The following DIAPH2 variants were observed in gnomAD, a reference collection of about 807,000 sequenced individuals.
The protein encoded by DIAPH2 is diaphanous related formin 2, also known as protein diaphanous homolog 2.
In DIAPH2, 35 loss-of-function variants were observed where a neutral mutation model predicts 92.7. That is an observed-to-expected ratio of 0.38 (90% CI 0.29 to 0.50). The LOEUF (loss-of-function observed/expected upper bound fraction) is 0.50. Ranked by LOEUF, DIAPH2 falls within the 20% of genes least tolerant of loss-of-function variation. DIAPH2 has a pLI of 0.94. For synonymous variants in DIAPH2, 301 were observed against 280.4 expected, an observed-to-expected ratio of 1.07 and a Z score of -0.73; for missense variants, 701 against 819.5, an observed-to-expected ratio of 0.86 and a Z score of 1.77.
At chrX:96,745,345 T>G (rs1295814142) in intron 3 of DIAPH2, among the ~76,000 whole-genome samples, 1 of 112,200 alleles carries the variant, frequency 8.9e-6, no homozygotes, top group African/African-American at 3.2e-5. Context: ...CATGAGATTA[T>G]GCACAGTAAT....
chrX:96,987,090 T>C (rs1261348850), intron 17 of DIAPH2, among the ~76,000 whole-genome samples: 1 of 111,291 alleles, frequency 9.0e-6, no homozygotes, highest in Non-Finnish European at 1.9e-5. Context: ...TGCCTATTTC[T>C]TTCAGAAATA....
At chrX:97,030,952 T>C (rs1018101052) in intron 17 of DIAPH2, among the ~76,000 whole-genome samples, 17 of 112,037 alleles carry the variant, frequency 1.5e-4, no homozygotes, top group Non-Finnish European at 2.8e-4. Context: ...CTTTAGAGAC[T>C]TTGTGCCTTT....
intron 24 of DIAPH2, among the ~76,000 whole-genome samples, chrX:97,376,335 T>C (rs2147724458): frequency 8.9e-6 from 1 of 112,373 alleles, no homozygotes; most frequent in Non-Finnish European, 1.9e-5. Flanking sequence ...CTCTATCTTT[T>C]TTCTCTTGGC....
chrX:96,871,013 A>G (rs1459777923), intron 4 of DIAPH2, among the ~76,000 whole-genome samples: 10 of 112,121 alleles, frequency 8.9e-5, no homozygotes, highest in Non-Finnish European at 1.9e-4. Context: ...TTGCCCCAAC[A>G]CAACAAATGT....
chrX:97,509,657 A>C (rs1443622880), intron 26 of DIAPH2, among the ~76,000 whole-genome samples: 19 of 90,495 alleles, frequency 2.1e-4, no homozygotes, highest in South Asian at 1.1e-3. Context: ...ATCCCTCCCC[A>C]CTCCCCCCAC....
intron 25 of DIAPH2, among the ~76,000 whole-genome samples, chrX:97,424,094 T>C (rs973949745): frequency 3.6e-5 from 4 of 112,034 alleles, no homozygotes; most frequent in African/African-American, 1.3e-4. Flanking sequence ...TTAGGAAGAC[T>C]AACTGAAATA....
At chrX:96,996,814 G>T (rs2066107888) in intron 17 of DIAPH2, among the ~76,000 whole-genome samples, 2 of 111,940 alleles carry the variant, frequency 1.8e-5, no homozygotes, top group Non-Finnish European at 3.8e-5. Context: ...TGATTATGTT[G>T]ATTTCAGTGT....
At chrX:96,782,726 T>C (rs2064428279) in intron 4 of DIAPH2, among the ~76,000 whole-genome samples, 1 of 111,493 alleles carries the variant, frequency 9.0e-6, no homozygotes, top group Admixed American at 9.6e-5. Context: ...GAGCTGCTAC[T>C]CCTGGCCAAT....
intron 1 of DIAPH2, among the ~76,000 whole-genome samples, chrX:96,687,093 A>G (rs2063774746): frequency 8.9e-6 from 1 of 111,767 alleles, no homozygotes; most frequent in Non-Finnish European, 1.9e-5. Context: ...CATGGCTTTC[A>G]TCAGTTTTTC....
At chrX:96,728,516 G>T (rs1313689049) in intron 1 of DIAPH2, among the ~76,000 whole-genome samples, 2 of 112,032 alleles carry the variant, frequency 1.8e-5, no homozygotes, top group East Asian at 5.6e-4. Flanking sequence ...CAGCCTATAT[G>T]GTTAGTTTTT....
intron 22 of DIAPH2, among the ~76,000 whole-genome samples, chrX:97,148,240 A>AT (rs1207983147): frequency 9.0e-6 from 1 of 111,674 alleles, no homozygotes; most frequent in Non-Finnish European, 1.9e-5. Flanking sequence ...TTTCATCCAC[A>AT]TTTTTACCTC....
intron 24 of DIAPH2, among the ~76,000 whole-genome samples, chrX:97,358,450 G>A (rs890401085): frequency 2.7e-5 from 3 of 111,339 alleles, no homozygotes; most frequent in African/African-American, 9.8e-5. Flanking sequence ...TGTCAGTAAT[G>A]TTGAGATTGA....
chrX:96,904,510 T>C (rs2065419958), intron 5 of DIAPH2, among the ~76,000 whole-genome samples: 1 of 111,875 alleles, frequency 8.9e-6, no homozygotes, highest in African/African-American at 3.2e-5. Flanking sequence ...TCCACGTATA[T>C]ATTATACATG....
At position 97,101,436 on chromosome X, in the gene DIAPH2, A is replaced by G. The variant is rs184458078; in HGVS notation, c.2349+1641A>G. 4.5e-5 allele frequency among the ~76,000 whole-genome samples: 5 copies of G among 111,485 alleles called. No individual in the cohort carries two copies. The East Asian group carries it at 1.4e-3, about 31-fold the overall frequency. ...AGATTTCTTGTTTATGCACATAACC[A>G]TAAATAATTCTGAGGCTGTGCATAC... On this transcript the variant is annotated intron_variant, in intron 20 of 26. Transcript: ENST00000324765.
chrX:97,447,876 G>A (rs747724357), intron 26 of DIAPH2, among the ~76,000 whole-genome samples: 216 of 111,774 alleles, frequency 1.9e-3, no homozygotes, highest in African/African-American at 6.8e-3. Flanking sequence ...AAGCATGCCT[G>A]TTAGATGGTT....
intron 20 of DIAPH2, among the ~76,000 whole-genome samples, chrX:97,112,471 A>G (rs1411007810): frequency 1.8e-5 from 2 of 111,421 alleles, no homozygotes; most frequent in Non-Finnish European, 3.8e-5. Flanking sequence ...AGACAGAGGT[A>G]GAGGCAGAAA....
chrX:96,709,702 T>G (rs1197111684), intron 1 of DIAPH2, among the ~76,000 whole-genome samples: 1 of 112,196 alleles, frequency 8.9e-6, no homozygotes, highest in Non-Finnish European at 1.9e-5. Flanking sequence ...GACCTTATCA[T>G]GTCTGTATAA....
intron 22 of DIAPH2, among the ~76,000 whole-genome samples, chrX:97,172,231 T>C (rs1227509435): frequency 8.9e-6 from 1 of 112,264 alleles, no homozygotes; most frequent in Non-Finnish European, 1.9e-5. Flanking sequence ...ATGACAAACA[T>C]TTTCTCTTTT....
rs755330731 is a variant in DIAPH2 at position 97,601,073 on chromosome X, T to G, written c.*1756T>G. 6.2e-5 allele frequency: 7 copies of G among 112,583 alleles called. No individual in the cohort carries two copies. In the East Asian group the frequency reaches 1.9e-3, roughly 31 times the overall value. The allele number at this position is 112,583 out of a possible 1,213,427, so 9.3% of individuals were successfully genotyped here. On this transcript the variant is annotated 3_prime_UTR_variant, in exon 27 of 27. Transcript: ENST00000324765. The stretch of plus-strand genomic sequence containing the variant: ...CATGCACACACACATTTAAGGGACA[T>G]AGCAGTAACACTGTTTTTTAACAAC...
Sources: gnomAD v4.1 joint callset for allele counts (sites outside exome capture counted in the v4.1 genomes callset) on GRCh38, gnomAD v4.1.1 for gene constraint, MANE v1.5 for transcripts, NCBI Gene and HGNC (gene_info 2026-07-23, HGNC 2026-07-21) for gene names.